Variants in COLEC12 observed in about 807,000 individuals in gnomAD.
COLEC12 encodes collectin subfamily member 12.
Under a neutral mutation model 71.1 loss-of-function variants are expected in COLEC12, and 33 were observed. The ratio of observed to expected loss-of-function variants is 0.46; its 90% CI spans 0.35 to 0.62. The LOEUF is 0.62. COLEC12 is among the 20% of genes least tolerant of loss of function. COLEC12 has a pLI of 0.00. For synonymous variants in COLEC12, 350 were observed against 353.0 expected, an observed-to-expected ratio of 0.99 and a Z score of 0.10; for missense variants, 765 against 916.1, an observed-to-expected ratio of 0.84 and a Z score of 2.13.
At chr18:367,087 T>G (rs1056383925) in intron 2 of COLEC12, among the ~76,000 whole-genome samples, 3 of 152,156 alleles carry the variant, frequency 2.0e-5, no homozygotes, top group Admixed American at 6.5e-5. Flanking sequence ...TCTCGGCACT[T>G]TCAAAACTCC....
chr18:446,806 A>T (rs548769632), intron 2 of COLEC12, among the ~76,000 whole-genome samples: 3 of 152,338 alleles, frequency 2.0e-5, no homozygotes, highest in Admixed American at 6.5e-5. Context: ...CATGTATTTC[A>T]TTCCCATTTT....
At chr18:418,759 G>A (rs982286957) in intron 2 of COLEC12, among the ~76,000 whole-genome samples, 6 of 152,184 alleles carry the variant, frequency 3.9e-5, no homozygotes, top group African/African-American at 1.4e-4. Flanking sequence ...CTAAAAAGGG[G>A]AGACATGAAT....
chr18:486,791 G>T (rs1917527049), intron 1 of COLEC12, among the ~76,000 whole-genome samples: 1 of 152,238 alleles, frequency 6.6e-6, no homozygotes, highest in African/African-American at 2.4e-5. Context: ...TTAAGAAGCA[G>T]TTGGCTATAA....
At position 357,565 on chromosome 18, in the gene COLEC12, C is replaced by A. The variant is rs775701779; in HGVS notation, c.59-43G>T. On this transcript the variant is annotated intron_variant, in intron 2 of 9. Transcript: ENST00000400256. ...TTTTAATAACAGTAAGCAAAGATGTCATTTTAAAATTTATCTTTTTGCATT... is the reference window on the plus strand; with the variant it reads ...TTTTAATAACAGTAAGCAAAGATGTAATTTTAAAATTTATCTTTTTGCATT... The A allele has an allele frequency of 2.0e-6, 3 of 1,472,430 alleles. No homozygotes were observed. The South Asian group carries it at 4.2e-5, about 21-fold the overall frequency. The allele number at this position is 1,472,430 out of a possible 1,614,324, so 91.2% of individuals were successfully genotyped here. A position where few individuals can be genotyped will look rare whatever the true frequency, so the allele number is the denominator to read the frequency against.
intron 2 of COLEC12, among the ~76,000 whole-genome samples, chr18:465,351 C>A (rs1264019913): frequency 6.6e-6 from 1 of 152,192 alleles, no homozygotes. Context: ...GATCCGCCCA[C>A]CCTGACTCCC....
chr18:337,910 CCTCT>C (rs906212984), intron 5 of COLEC12, among the ~76,000 whole-genome samples: 7 of 152,192 alleles, frequency 4.6e-5, no homozygotes, highest in African/African-American at 1.7e-4. Flanking sequence ...CTTCTTCCCA[CCTCT>C]CTCTGTCTTT....
chr18:442,821 C>T (rs140974632), intron 2 of COLEC12, among the ~76,000 whole-genome samples: 3,961 of 152,276 alleles, frequency 0.026, 70 homozygotes, highest in Non-Finnish European at 0.042. Context: ...ATTGGTCGGG[C>T]GTGGCGGCAC....
chr18:441,205 G>A (rs528094331), intron 2 of COLEC12, among the ~76,000 whole-genome samples: 43 of 150,276 alleles, frequency 2.9e-4, no homozygotes, highest in African/African-American at 6.1e-4. Flanking sequence ...CCGAGATTGT[G>A]CCACTGCACT....
rs997586622 is a variant in COLEC12 at position 492,692 on chromosome 18, G to C, written c.7+7816C>G. Among the ~76,000 whole-genome samples, 7 of 146,902 alleles carry C rather than the reference G, an allele frequency of 4.8e-5. No individual in the cohort carries two copies. The South Asian group carries it at 1.1e-3, about 22-fold the overall frequency. The stretch of plus-strand genomic sequence containing the variant: ...AACTAATGCTGTCCATTTCTCTGGA[G>C]ACAAAAAAAAAAAGAGGTCTTTGGT... On this transcript the variant is annotated intron_variant, in intron 1 of 9. Transcript: ENST00000400256.
chr18:347,624 A>T (rs1274007005), intron 4 of COLEC12, among the ~76,000 whole-genome samples: 1 of 152,218 alleles, frequency 6.6e-6, no homozygotes, highest in East Asian at 1.9e-4. Flanking sequence ...CAGGCTGTCA[A>T]GAAGAAACTA....
chr18:370,050 A>G (rs1016246099), intron 2 of COLEC12, among the ~76,000 whole-genome samples: 1 of 152,252 alleles, frequency 6.6e-6, no homozygotes, highest in Non-Finnish European at 1.5e-5. Context: ...GAGGAAAGCA[A>G]CACTTCATTA....
At chr18:409,178 C>T (rs1242242613) in intron 2 of COLEC12, among the ~76,000 whole-genome samples, 2 of 152,160 alleles carry the variant, frequency 1.3e-5, no homozygotes, top group East Asian at 3.8e-4. Flanking sequence ...TAAACAGAAC[C>T]AATGAGTTTT....
At chr18:339,399 G>A (rs1046805629) in intron 5 of COLEC12, among the ~76,000 whole-genome samples, 13 of 152,122 alleles carry the variant, frequency 8.5e-5, no homozygotes, top group Admixed American at 3.3e-4. Flanking sequence ...CCTCAAACGT[G>A]GATCCCACAG....
chr18:368,202 A>G lies in COLEC12; in HGVS notation c.59-10680T>C, dbSNP rs142198245. ...TTAAAACTGAAATAACTAGATGGGA[A>G]CATACGTTTGTACACACACACACAA... On this transcript the variant is annotated intron_variant, in intron 2 of 9. Coordinates refer to ENST00000400256, the MANE Select transcript of COLEC12 (RefSeq NM_130386.3). Among the ~76,000 whole-genome samples, 5 of 152,368 alleles carry G rather than the reference A, an allele frequency of 3.3e-5. No homozygotes were observed. In the East Asian group the frequency reaches 9.7e-4, roughly 29 times the overall value.
At chr18:440,211 T>C (rs1238846395) in intron 2 of COLEC12, among the ~76,000 whole-genome samples, 1 of 151,782 alleles carries the variant, frequency 6.6e-6, no homozygotes, top group South Asian at 2.1e-4. Flanking sequence ...GGATGGGGAA[T>C]GGGGAGGTGC....
At chr18:456,386 C>T (rs1012899483) in intron 2 of COLEC12, among the ~76,000 whole-genome samples, 11 of 152,136 alleles carry the variant, frequency 7.2e-5, no homozygotes, top group Non-Finnish European at 1.3e-4. Flanking sequence ...CAATCATGTG[C>T]CGTGAGCAAC....
chr18:409,640 C>G (rs1234717355), intron 2 of COLEC12, among the ~76,000 whole-genome samples: 3 of 152,186 alleles, frequency 2.0e-5, no homozygotes, highest in Admixed American at 2.0e-4. Flanking sequence ...GAAAATCAGT[C>G]TCTTATATCA....
intron 2 of COLEC12, among the ~76,000 whole-genome samples, chr18:463,306 TC>T (rs1198050935): frequency 2.0e-5 from 3 of 152,232 alleles, no homozygotes; most frequent in African/African-American, 7.2e-5. Flanking sequence ...CATAAATGTC[TC>T]CATTATTATA....
intron 2 of COLEC12, among the ~76,000 whole-genome samples, chr18:448,968 A>T (rs1916705856): frequency 6.6e-6 from 1 of 152,180 alleles, no homozygotes; most frequent in Non-Finnish European, 1.5e-5. Context: ...CTAGATACAC[A>T]AAACAAGGTC....
Sources: allele counts gnomAD v4.1 joint callset (sites outside exome capture counted in the v4.1 genomes callset), GRCh38; gene constraint gnomAD v4.1.1; transcripts MANE v1.5; gene names NCBI Gene and HGNC (gene_info 2026-07-23, HGNC 2026-07-21).